PBX1: variants seen among roughly 807,000 people sequenced by gnomAD.
The protein encoded by PBX1 is PBX homeobox 1, also known as pre-B-cell leukemia transcription factor 1.
PBX1 carries 6 observed loss-of-function variants against 53.4 expected under a neutral mutation model. The ratio of observed to expected loss-of-function variants is 0.11; its 90% CI spans 0.06 to 0.22. The LOEUF (loss-of-function observed/expected upper bound fraction) is 0.22. PBX1 is among the 10% of genes least tolerant of loss of function. PBX1 has a pLI of 1.00. For synonymous variants in PBX1, 204 were observed against 212.3 expected (o/e 0.96, Z 0.34); for missense variants, 251 against 551.4 (o/e 0.46, Z 5.46).
chr1:164,664,965 A>G (rs1660722562), intron 2 of PBX1, among the ~76,000 whole-genome samples: 1 of 152,222 alleles, frequency 6.6e-6, no homozygotes, highest in Non-Finnish European at 1.5e-5. Context: ...AAACCATATC[A>G]TAGTACAAGC....
chr1:164,865,752 T>C (rs1435533740), intron 2 of PBX1, among the ~76,000 whole-genome samples: 2 of 152,192 alleles, frequency 1.3e-5, no homozygotes, highest in Admixed American at 6.5e-5. Context: ...TTCCAGAATA[T>C]GCACATTCCT....
chr1:164,603,961 T>TAA (rs1194426095), intron 2 of PBX1, among the ~76,000 whole-genome samples: 4 of 131,982 alleles, frequency 3.0e-5, no homozygotes, highest in South Asian at 2.5e-4. Flanking sequence ...TTTTTTTTTT[T>TAA]TAGAGATGAG....
chr1:164,871,545 C>T (rs1266068956), intron 2 of PBX1, among the ~76,000 whole-genome samples: 1 of 152,190 alleles, frequency 6.6e-6, no homozygotes, highest in Non-Finnish European at 1.5e-5. Flanking sequence ...CTTTAGGACA[C>T]CCGAGTGACC....
intron 2 of PBX1, among the ~76,000 whole-genome samples, chr1:164,863,847 G>C (rs180833113): frequency 6.6e-6 from 1 of 152,132 alleles, no homozygotes; most frequent in Admixed American, 6.5e-5. Flanking sequence ...ACATGAGGTG[G>C]CATGTTTTCA....
chr1:164,835,922 A>G (rs1035300414), intron 8 of PBX1, among the ~76,000 whole-genome samples: 12 of 152,212 alleles, frequency 7.9e-5, no homozygotes, highest in Non-Finnish European at 8.8e-5. Context: ...TTTCTGATCT[A>G]TGAAAAATCT....
intron 2 of PBX1, among the ~76,000 whole-genome samples, chr1:164,574,950 C>T (rs375758811): frequency 1.8e-4 from 27 of 152,114 alleles, no homozygotes; most frequent in East Asian, 1.4e-3. Flanking sequence ...CCTTTACACT[C>T]CAGCCTGGGC....
chr1:164,563,173 T>G (rs1653184774), intron 1 of PBX1, 65 bp from the exon 2 acceptor site: 1 of 1,078,952 alleles, frequency 9.3e-7, no homozygotes, highest in Non-Finnish European at 1.4e-6. Context: ...GTTTTCACCC[T>G]GTGCATTATC....
chr1:164,574,381 G>A lies in PBX1; in HGVS notation c.265+11070G>A, dbSNP rs1654080005. Among the ~76,000 whole-genome samples, 3 of 152,142 alleles carry A rather than the reference G, an allele frequency of 2.0e-5. No homozygotes were observed. In the South Asian group the frequency reaches 6.2e-4, roughly 32 times the overall value. On this transcript the variant is annotated intron_variant, in intron 2 of 8. Transcript: ENST00000420696. The stretch of plus-strand genomic sequence containing the variant: ...TTTGAGAACGCCATTTAACCTCTTA[G>A]TCTCAGGTTTCCACATCCATGGAAT...
At chr1:164,775,834 C>T (rs1667615087) in intron 2 of PBX1, among the ~76,000 whole-genome samples, 1 of 152,128 alleles carries the variant, frequency 6.6e-6, no homozygotes, top group Non-Finnish European at 1.5e-5. Context: ...AAGCACCTGG[C>T]CCTTGTCACC....
intron 2 of PBX1, among the ~76,000 whole-genome samples, chr1:164,715,974 G>A (rs956183074): frequency 6.6e-6 from 1 of 152,194 alleles, no homozygotes; most frequent in African/African-American, 2.4e-5. Flanking sequence ...AGAGAGGTCA[G>A]AATTTAAAGC....
rs150450106 is a variant in PBX1, at chr1:164,617,728, T to A, written c.265+54417T>A. On this transcript the variant is annotated intron_variant, in intron 2 of 8. Coordinates refer to ENST00000420696, the MANE Select transcript of PBX1 (RefSeq NM_002585.4). ...TTTAGAAAATTGTGTCTTAAAAATG[T>A]ACTTGCTTTGTTCTGTTATTTTAAA... Among the ~76,000 whole-genome samples, 13 of 152,338 alleles carry A rather than the reference T, an allele frequency of 8.5e-5. No homozygotes were observed. In the East Asian group the frequency reaches 2.5e-3, roughly 29 times the overall value.
chr1:164,614,485 C>T (rs1355019533), intron 2 of PBX1, among the ~76,000 whole-genome samples: 1 of 152,056 alleles, frequency 6.6e-6, no homozygotes, highest in Admixed American at 6.6e-5. Flanking sequence ...CAGCTGCCAC[C>T]CCCACTCCTA....
chr1:164,838,214 G>T (rs111772226), intron 8 of PBX1, among the ~76,000 whole-genome samples: 4 of 152,142 alleles, frequency 2.6e-5, no homozygotes, highest in African/African-American at 9.7e-5. Context: ...TTTTCATACC[G>T]TGTGAACATG....
chr1:164,871,718 A>G (rs1428915609), intron 2 of PBX1, among the ~76,000 whole-genome samples: 1 of 152,084 alleles, frequency 6.6e-6, no homozygotes, highest in Non-Finnish European at 1.5e-5. Flanking sequence ...ACTTGTACCC[A>G]AAGAGTGGTG....
intron 2 of PBX1, among the ~76,000 whole-genome samples, chr1:164,734,862 A>C (rs1272637992): frequency 6.6e-6 from 1 of 152,214 alleles, no homozygotes; most frequent in Non-Finnish European, 1.5e-5. Context: ...CTTTAGGAAT[A>C]TCTCTGAAGT....
At chr1:164,656,291 A>C (rs1055936240) in intron 2 of PBX1, among the ~76,000 whole-genome samples, 12 of 152,234 alleles carry the variant, frequency 7.9e-5, no homozygotes, top group African/African-American at 2.9e-4. Context: ...TCCTGATAAA[A>C]GTCTCAGTTA....
At chr1:164,673,648 A>G (rs1011838906) in intron 2 of PBX1, among the ~76,000 whole-genome samples, 2 of 151,842 alleles carry the variant, frequency 1.3e-5, no homozygotes, top group African/African-American at 2.4e-5. Context: ...AGTTACTAAC[A>G]TTTTTAAGTT....
At chr1:164,826,806 G>C (rs1430244606) in intron 8 of PBX1, among the ~76,000 whole-genome samples, 1 of 152,122 alleles carries the variant, frequency 6.6e-6, no homozygotes, top group Non-Finnish European at 1.5e-5. Flanking sequence ...TATTCAAAAG[G>C]TTTGGTGAAA....
intron 2 of PBX1, among the ~76,000 whole-genome samples, chr1:164,731,496 T>A (rs1213957829): frequency 1.3e-5 from 2 of 152,282 alleles, no homozygotes; most frequent in East Asian, 3.9e-4. Flanking sequence ...CAGGGCTGCC[T>A]AACTGGTATT....
Sources: gnomAD v4.1 joint callset for allele counts (sites outside exome capture counted in the v4.1 genomes callset) on GRCh38, gnomAD v4.1.1 for gene constraint, MANE v1.5 for transcripts, NCBI Gene and HGNC (gene_info 2026-07-23, HGNC 2026-07-21) for gene names.